Variants in UNC79 observed in about 807,000 individuals in gnomAD.
The protein encoded by UNC79 is protein unc-79 homolog.
UNC79 carries 37 observed loss-of-function variants against 283.1 expected under a neutral mutation model. The observed-to-expected ratio is 0.13, with a 90% confidence interval of 0.10 to 0.17. The LOEUF (loss-of-function observed/expected upper bound fraction) is 0.17, where lower values mean the gene tolerates loss of function less well. UNC79 is among the 10% of genes least tolerant of loss of function. The pLI is 1.00. For synonymous variants in UNC79, 1,107 were observed against 1,200.2 expected, an observed-to-expected ratio of 0.92 and a Z score of 1.61; for missense variants, 2,272 against 3,211.1, an observed-to-expected ratio of 0.71 and a Z score of 7.07.
At chr14:93,520,284 G>A (rs1254129725) in intron 7 of UNC79, among the ~76,000 whole-genome samples, 1 of 151,650 alleles carries the variant, frequency 6.6e-6, no homozygotes, top group Non-Finnish European at 1.5e-5. Context: ...TCTTATCTTT[G>A]TTCCCCTGTA....
intron 14 of UNC79, among the ~76,000 whole-genome samples, chr14:93,562,926 G>C (rs1185222467): frequency 6.6e-6 from 1 of 152,206 alleles, no homozygotes; most frequent in East Asian, 1.9e-4. Context: ...AAGGGAGGGG[G>C]TCTGAACAAT....
At chr14:93,356,869 A>T (rs2054095712) in intron 1 of UNC79, among the ~76,000 whole-genome samples, 1 of 152,116 alleles carries the variant, frequency 6.6e-6, no homozygotes, top group Admixed American at 6.6e-5. Flanking sequence ...CCTAGCTTTT[A>T]TTTTAGGTTT....
At chr14:93,533,052 T>A (rs1255741575) in intron 11 of UNC79, among the ~76,000 whole-genome samples, 1 of 152,174 alleles carries the variant, frequency 6.6e-6, no homozygotes, top group African/African-American at 2.4e-5. Context: ...TAAAGATTCT[T>A]CCTTTAATAT....
chr14:93,448,240 T>A (rs2056526789), intron 1 of UNC79, among the ~76,000 whole-genome samples: 1 of 151,910 alleles, frequency 6.6e-6, no homozygotes, highest in Admixed American at 6.6e-5. Context: ...ATTGGTCTGT[T>A]TTCAAGTTCA....
rs536832975 is a variant in UNC79, at chr14:93,366,066, A to G, written c.-351+32543A>G. On this transcript the variant is annotated intron_variant, in intron 1 of 49. Coordinates refer to the UNC79 transcript ENST00000256339. ...TATTGTAGCACAATCTTTGCAGGCA[A>G]TGAAACAACACTTTCAAAGATAGAA... 1.1e-3 allele frequency among the ~76,000 whole-genome samples: 164 copies of G among 152,356 alleles called. 1 individual carries two copies. The highest frequency in any genetic ancestry group is 3.7e-3 in the African/African-American group (154 of 41,586).
At chr14:93,392,268 A>G (rs937180675) in intron 1 of UNC79, among the ~76,000 whole-genome samples, 13 of 152,242 alleles carry the variant, frequency 8.5e-5, no homozygotes, top group Non-Finnish European at 1.9e-4. Context: ...TGACAGCTTC[A>G]TATAACAACA....
At chr14:93,418,742 C>T (rs1480964981) in intron 1 of UNC79, among the ~76,000 whole-genome samples, 1 of 151,808 alleles carries the variant, frequency 6.6e-6, no homozygotes, top group East Asian at 1.9e-4. Flanking sequence ...GCCCCTCCCC[C>T]AGCCTCGCTG....
At chr14:93,645,429 C>T (rs2069495229) in intron 34 of UNC79, among the ~76,000 whole-genome samples, 1 of 152,214 alleles carries the variant, frequency 6.6e-6, no homozygotes, top group Non-Finnish European at 1.5e-5. Flanking sequence ...CAATTCTTAG[C>T]AACCTAAGCC....
chr14:93,629,736 G>T (rs1232266949), intron 30 of UNC79, among the ~76,000 whole-genome samples: 2 of 152,174 alleles, frequency 1.3e-5, no homozygotes, highest in African/African-American at 2.4e-5. Flanking sequence ...TATGAGGTTT[G>T]CTCTCTGGCA....
exon 18 of UNC79, chr14:93,577,846 G>A (rs1400630922): frequency 1.2e-6 from 2 of 1,613,890 alleles, no homozygotes; most frequent in African/African-American, 2.7e-5. Context: ...TTGTAGGTGA[G>A]TGTTGCCTCT....
chr14:93,350,699 T>A (rs2053965929), intron 1 of UNC79, among the ~76,000 whole-genome samples: 1 of 152,140 alleles, frequency 6.6e-6, no homozygotes, highest in Non-Finnish European at 1.5e-5. Flanking sequence ...CAATTTCTTT[T>A]AAAAACTTCT....
At position 93,467,868 on chromosome 14, in the gene UNC79, T is replaced by C. The variant is rs1033245909; in HGVS notation, c.143+77T>C. On this transcript the variant is annotated intron_variant, in intron 2 of 48. Coordinates refer to ENST00000555664, the Ensembl canonical transcript of UNC79. ...GAATTTATTGGGATCTAAATTTTTA[T>C]TGAATTGCAAGTTTTAAAGGGCCTA... The C allele has an allele frequency of 1.8e-5, 25 of 1,416,228 alleles. No individual in the cohort carries two copies. In the African/African-American group the frequency reaches 3.2e-4, roughly 18 times the overall value. The allele number at this position is 1,416,228 out of a possible 1,614,324, so 87.7% of individuals were successfully genotyped here. A position where few individuals can be genotyped will look rare whatever the true frequency, so the allele number is the denominator to read the frequency against.
intron 41 of UNC79, 28 bp from the exon 45 acceptor site, chr14:93,682,589 A>C: frequency 6.3e-7 from 1 of 1,596,098 alleles, no homozygotes. Flanking sequence ...TACCCTTAAA[A>C]ATAATTATCC....
At chr14:93,657,705 C>T (rs762308125) in intron 38 of UNC79, among the ~76,000 whole-genome samples, 2 of 152,160 alleles carry the variant, frequency 1.3e-5, no homozygotes, top group Non-Finnish European at 2.9e-5. Context: ...GAAGATTTAA[C>T]TTGGGCACAG....
intron 47 of UNC79, among the ~76,000 whole-genome samples, chr14:93,696,348 A>G (rs2075125218): frequency 6.6e-6 from 1 of 152,234 alleles, no homozygotes; most frequent in Admixed American, 6.5e-5. Flanking sequence ...TGTCTGGGCC[A>G]TGTGACAGAT....
At chr14:93,464,653 A>G (rs921930258) in intron 1 of UNC79, 11 of 455,140 alleles carry the variant, frequency 2.4e-5, no homozygotes, top group Non-Finnish European at 4.0e-5. Context: ...TAGTATAACT[A>G]TAATTGAAGA....
chr14:93,477,400 T>G (rs1013211218), intron 3 of UNC79, among the ~76,000 whole-genome samples, 158 bp from the exon 4 acceptor site: 2 of 152,338 alleles, frequency 1.3e-5, no homozygotes, highest in Admixed American at 6.5e-5. Context: ...ACTGTATAAA[T>G]AGTACCCTAT....
rs748391786 is a variant in UNC79 at position 93,655,347 on chromosome 14, C to T, written c.6396C>T (p.Thr2132=). Residue 2132 remains threonine (T), a synonymous_variant, in exon 38 of 49, where the codon ACC becomes ACT. Coordinates refer to ENST00000555664, the Ensembl canonical transcript of UNC79. ...TGGATTCTCCTAGTAGCCTCTGGAC[C>T]ACAATTAGCAACCAGTTTCAGACAT... 4.2e-5 allele frequency: 68 copies of T among 1,614,090 alleles called. No individual in the cohort carries two copies. The Middle Eastern group carries it at 2.1e-3, about 51-fold the overall frequency.
chr14:93,555,689 C>T (rs1373887787), intron 14 of UNC79, among the ~76,000 whole-genome samples: 1 of 152,182 alleles, frequency 6.6e-6, no homozygotes, highest in African/African-American at 2.4e-5. Context: ...CAGGTGTGAA[C>T]CACCACACCT....
Sources: allele counts gnomAD v4.1 joint callset (sites outside exome capture counted in the v4.1 genomes callset), GRCh38; gene constraint gnomAD v4.1.1; transcripts MANE v1.5; gene names NCBI Gene and HGNC (gene_info 2026-07-23, HGNC 2026-07-21).